MYLK2: variants seen among roughly 807,000 people sequenced by gnomAD.
The protein encoded by MYLK2 is myosin light chain kinase 2.
MYLK2 carries 27 observed loss-of-function variants against 58.2 expected under a neutral mutation model. The ratio of observed to expected loss-of-function variants is 0.46; its 90% CI spans 0.34 to 0.64. The LOEUF is 0.64. Ranked by LOEUF, MYLK2 falls within the 30% of genes least tolerant of loss-of-function variation. The pLI is 0.01. For missense variants in MYLK2, 676 were observed against 764.3 expected (o/e 0.88, Z 1.36); for synonymous variants, 310 against 296.7 (o/e 1.04, Z -0.46).
At chr20:31,823,399 C>G (rs2062261083) in intron 4 of MYLK2, 78 bp from the exon 5 acceptor site, 2 of 1,347,018 alleles carry the variant, frequency 1.5e-6, no homozygotes, top group South Asian at 2.4e-5. Flanking sequence ...GGGGCCCAGG[C>G]CAGCAGGAGG....
Position 31,819,622 on chromosome 20 carries a change from C to T in MYLK2, c.42C>T (p.Asn14=). The T allele has an allele frequency of 1.3e-6, 2 of 1,551,590 alleles. No individual in the cohort carries two copies. Among genetic ancestry groups the T allele is most frequent in the South Asian group, 2.4e-5 (2 of 84,058 alleles). Residue 14 remains asparagine (N), a synonymous_variant, in exon 2 of 13, where the codon AAC becomes AAT. Coordinates refer to ENST00000375985, the MANE Select transcript of MYLK2 (RefSeq NM_033118.4). ...ENGAVELGIQ[N]PSTDKAPKGP... ...GAGCAGTTGAGCTGGGAATTCAGAA[C>T]CCATCAACAGGTGCCAAGCTGGGGC...
At chr20:31,821,401 G>C in intron 3 of MYLK2, 38 bp from the exon 4 acceptor site, 1 of 1,611,326 alleles carries the variant, frequency 6.2e-7, no homozygotes, top group Non-Finnish European at 8.5e-7. Context: ...ACAGGCTGTG[G>C]CCGCTGAGGG....
intron 4 of MYLK2, 43 bp downstream of exon 4, chr20:31,821,780 G>C: frequency 1.3e-6 from 2 of 1,537,292 alleles, no homozygotes; most frequent in East Asian, 2.3e-5. Flanking sequence ...CCTGGGGCCA[G>C]GGGGAGGGAA....
chr20:31,830,881 G>A lies in MYLK2; in HGVS notation c.1287G>A (p.Leu429=), dbSNP rs2062302847. 6 of 1,613,810 alleles carry A rather than the reference G, an allele frequency of 3.7e-6. No individual in the cohort carries two copies. The East Asian group carries it at 1.3e-4, about 36-fold the overall frequency. ...GHLVKIIDFG[L]ARRYNPNEKL... ...TGGTGAAGATCATTGACTTTGGCCT[G>A]GCACGGAGGTACCACCTGGGTGGGT... Residue 429 remains leucine, a synonymous_variant, in exon 9 of 13, where the codon CTG becomes CTA. Coordinates refer to ENST00000375985, the MANE Select transcript of MYLK2 (RefSeq NM_033118.4).
rs370266896 is a variant in MYLK2, at chr20:31,830,331, C to T, written c.1225-488C>T. The stretch of plus-strand genomic sequence containing the variant: ...TCACTAACTGGGGAGACAAGAGTAG[C>T]GCATCTTCCAGTGACCCTGGAGTAG... On this transcript the variant is annotated intron_variant, in intron 8 of 12. Transcript: ENST00000375985. Among the ~76,000 whole-genome samples, 17 of 152,240 alleles carry T rather than the reference C, an allele frequency of 1.1e-4. No individual in the cohort carries two copies. In the East Asian group the frequency reaches 3.1e-3, roughly 28 times the overall value.
chr20:31,823,697 ATGGACATGTTCACCTCTG>A, intron 5 of MYLK2, 115 bp downstream of exon 5: 5 of 1,038,948 alleles, frequency 4.8e-6, no homozygotes, highest in Non-Finnish European at 7.3e-6. Flanking sequence ...ACATGGCCAC[ATGGACATGTTCACCTCTG>A]TGTGGGACAC....
intron 6 of MYLK2, among the ~76,000 whole-genome samples, chr20:31,825,999 G>T (rs1469995653): frequency 6.6e-6 from 1 of 152,134 alleles, no homozygotes. Context: ...TGAAGAGTTG[G>T]GTCGGAGGTG....
chr20:31,832,390 T>G lies in MYLK2; in HGVS notation c.1710+254T>G, dbSNP rs184739368. On this transcript the variant is annotated intron_variant, in intron 12 of 12. Transcript: ENST00000375985. ...CCCTCCTTCATTTTTCAAATATTTCTTGAGCATCTACTACTTCTAGGCATT... is the reference window on the plus strand; with the variant it reads ...CCCTCCTTCATTTTTCAAATATTTCGTGAGCATCTACTACTTCTAGGCATT... 1.4e-3 allele frequency among the ~76,000 whole-genome samples: 215 copies of G among 152,372 alleles called. 3 individuals are homozygous for G. The highest frequency in any genetic ancestry group is 8.3e-3 in the East Asian group (43 of 5,186).
At position 31,820,503 on chromosome 20, in the gene MYLK2, C is replaced by T. The variant is rs34396614; in HGVS notation, c.430C>T (p.Pro144Ser). Residue 144 changes from proline (P) to serine (S), a missense_variant, in exon 3 of 13, where the codon CCT becomes TCT. By Grantham distance (74) the Pro-to-Ser change is moderately conservative. Coordinates refer to ENST00000375985, the MANE Select transcript of MYLK2 (RefSeq NM_033118.4). ...EGQAAARRGS[P>S]AFLHSPSCPA... ...CCAAGCAGCAGCCAGGAGGGGCTCA[C>T]CTGCCTTTCTGCATAGCCCCAGCTG... is the stretch of plus-strand genomic sequence containing the variant. 1.2e-5 allele frequency: 20 copies of T among 1,605,736 alleles called. No individual in the cohort carries two copies. The highest frequency in any genetic ancestry group is 6.7e-5 in the Admixed American group (4 of 60,004).
intron 6 of MYLK2, among the ~76,000 whole-genome samples, chr20:31,825,098 G>A (rs752008887): frequency 3.1e-4 from 47 of 152,302 alleles, no homozygotes; most frequent in Non-Finnish European, 6.8e-4. Context: ...AGGTGCTGGG[G>A]AGTGAGGTTC....
chr20:31,819,444 C>T lies in MYLK2; in HGVS notation c.-49+16C>T. 1 of 1,188,000 alleles carries T rather than the reference C, an allele frequency of 8.4e-7. No individual in the cohort carries two copies. Among genetic ancestry groups the T allele is most frequent in the Non-Finnish European group, 1.2e-6 (1 of 821,276 alleles). The allele number at this position is 1,188,000 out of a possible 1,614,324, so 73.6% of individuals were successfully genotyped here. On this transcript the variant is annotated intron_variant, in intron 1 of 12. Coordinates refer to ENST00000375985, the MANE Select transcript of MYLK2 (RefSeq NM_033118.4). ...TTTGCTCCAGGTACCTCTCTCCCCT[C>T]AGTTAGCAGGCCTCGGCTTCCTGTC... is the stretch of plus-strand genomic sequence containing the variant.
chr20:31,821,598 C>T lies in MYLK2; in HGVS notation c.633C>T (p.Thr211=), dbSNP rs768001289. Residue 211 remains threonine (T), a synonymous_variant, in exon 4 of 13, where the codon ACC becomes ACT. Coordinates refer to ENST00000375985, the MANE Select transcript of MYLK2 (RefSeq NM_033118.4). ...AESQKEVGEK[T]PGQAGQAKMQ... is the part of the protein sequence containing the mutation. ...GCCAGAAGGAAGTGGGAGAGAAAAC[C>T]CCAGGCCAGGCTGGCCAGGCTAAGA... 29 of 1,613,978 alleles carry T rather than the reference C, an allele frequency of 1.8e-5. No individual in the cohort carries two copies. The highest frequency in any genetic ancestry group is 2.5e-5 in the Non-Finnish European group (29 of 1,180,046).
At chr20:31,827,355 G>T in intron 8 of MYLK2, 3 of 985,280 alleles carry the variant, frequency 3.0e-6, no homozygotes, top group Non-Finnish European at 3.6e-6. Flanking sequence ...TATTTCTTGA[G>T]GGCCTACTTT....
In MYLK2 at chr20:31,821,627, A is replaced by G. The variant is rs750419427; in HGVS notation, c.662A>G (p.Gln221Arg). The change falls in exon 4 of 13, where the codon CAA becomes CGA. Residue 221 changes from glutamine to arginine, a missense_variant. Gln to Arg is a conservative substitution (Grantham distance 43). Around this residue, in one of 2 missense-constraint regions of MYLK2, gnomAD observed 306 missense variants for 296.5 expected, o/e 1.03. Coordinates refer to ENST00000375985, the MANE Select transcript of MYLK2 (RefSeq NM_033118.4). ...GGCCAGGCTGGCCAGGCTAAGATGC[A>G]AGGGGACACCTCGAGGGGGATTGAG... ...TPGQAGQAKM[Q>R]GDTSRGIEFQ... 6.2e-6 allele frequency: 10 copies of G among 1,613,946 alleles called. No individual in the cohort carries two copies. In the Admixed American group the frequency reaches 1.7e-4, roughly 27 times the overall value.
chr20:31,833,832 A>C lies in MYLK2; in HGVS notation c.*35A>C. 1 of 1,590,598 alleles carries C rather than the reference A, an allele frequency of 6.3e-7. No individual in the cohort carries two copies. Among genetic ancestry groups the C allele is most frequent in the Non-Finnish European group, 8.6e-7 (1 of 1,163,936 alleles). On this transcript the variant is annotated 3_prime_UTR_variant, in exon 13 of 13. Coordinates refer to ENST00000375985, the MANE Select transcript of MYLK2 (RefSeq NM_033118.4). ...GCAGCTGAAGCCTGGACGCAGCCAC[A>C]CAGTGGCCGGGGCTGAAGCCACACA...
intron 8 of MYLK2, among the ~76,000 whole-genome samples, chr20:31,830,049 C>T (rs2062298057): frequency 6.6e-6 from 1 of 152,210 alleles, no homozygotes; most frequent in Admixed American, 6.5e-5. Context: ...CGGAACATCA[C>T]AAGGCCAGTG....
chr20:31,828,001 C>G (rs913450130), intron 8 of MYLK2, among the ~76,000 whole-genome samples: 1 of 147,836 alleles, frequency 6.8e-6, no homozygotes, highest in Non-Finnish European at 1.5e-5. Context: ...AATTCTTTTG[C>G]CTCAGCCTCC....
chr20:31,826,918 G>T lies in MYLK2; in HGVS notation c.1204G>T (p.Val402Phe), dbSNP rs779637525. The part of the protein sequence containing the change: ...DGILFMHKMR[V>F]LHLDLKPENI... ...GATCCTCTTCATGCACAAGATGAGG[G>T]TTTTGCACCTGGACCTCAAGGTACC... is the stretch of plus-strand genomic sequence containing the variant. Residue 402 changes from valine (V) to phenylalanine (F), a missense_variant, in exon 8 of 13, where the codon GTT (valine) becomes TTT (phenylalanine). Around this residue, in one of 2 missense-constraint regions of MYLK2, gnomAD observed 370 missense variants for 467.8 expected, o/e 0.79. Coordinates refer to ENST00000375985, the MANE Select transcript of MYLK2 (RefSeq NM_033118.4). 6.6e-5 allele frequency: 107 copies of T among 1,613,972 alleles called. No homozygotes were observed. In the Admixed American group the frequency reaches 1.8e-3, roughly 27 times the overall value.
intron 4 of MYLK2, among the ~76,000 whole-genome samples, chr20:31,822,461 A>T (rs1600408258): frequency 6.6e-6 from 1 of 152,196 alleles, no homozygotes; most frequent in Non-Finnish European, 1.5e-5. Flanking sequence ...GGGCATGTGC[A>T]ATGGGGCAGG....
Sources: allele counts gnomAD v4.1 joint callset (sites outside exome capture counted in the v4.1 genomes callset), GRCh38; gene constraint gnomAD v4.1.1; regional missense constraint gnomAD v4.1.1; transcripts MANE v1.5; gene names NCBI Gene and HGNC (gene_info 2026-07-23, HGNC 2026-07-21).